CUBN: variants seen among roughly 807,000 people sequenced by gnomAD.
CUBN encodes the protein cubilin.
Under a neutral mutation model 405.3 loss-of-function variants are expected in CUBN, and 282 were observed. The ratio of observed to expected loss-of-function variants is 0.70; its 90% CI spans 0.63 to 0.77. CUBN has a LOEUF of 0.77. Among genes scored for constraint, CUBN ranks in the 30% least tolerant of loss-of-function variants. The pLI is 0.00. For synonymous variants in CUBN, 1,684 were observed against 1,617.0 expected, an observed-to-expected ratio of 1.04 and a Z score of -0.99; for missense variants, 4,514 against 4,475.2, an observed-to-expected ratio of 1.01 and a Z score of -0.25.
intron 50 of CUBN, among the ~76,000 whole-genome samples, chr10:16,905,735 C>T (rs1227623223): frequency 6.6e-6 from 1 of 152,162 alleles, no homozygotes; most frequent in Non-Finnish European, 1.5e-5. Context: ...AGAATTATGG[C>T]TTCGAACAGA....
chr10:16,923,281 G>A (rs2131474488), intron 43 of CUBN, among the ~76,000 whole-genome samples: 1 of 152,192 alleles, frequency 6.6e-6, no homozygotes, highest in East Asian at 1.9e-4. Context: ...AATCAGGTGA[G>A]AATAAAAGGC....
At position 16,902,238 on chromosome 10, in the gene CUBN, C is replaced by G. The variant is rs190773540; in HGVS notation, c.8063-779G>C. Among the ~76,000 whole-genome samples the G allele has an allele frequency of 4.4e-3, 545 of 123,744 alleles. 6 individuals carry two copies. Among genetic ancestry groups the G allele is most frequent in the Non-Finnish European group, 7.7e-3 (468 of 60,994 alleles). 81.2% of individuals were successfully genotyped at this position (123,744 alleles called of 152,430 possible). A position where few individuals can be genotyped will look rare whatever the true frequency, so the allele number is the denominator to read the frequency against. On this transcript the variant is annotated intron_variant, in intron 51 of 66. Coordinates refer to ENST00000377833, the MANE Select transcript of CUBN (RefSeq NM_001081.4). ...TATAGTATATATATGTATATATATA[C>G]TATATATATTTGTATATATAGTATA... is the stretch of plus-strand genomic sequence containing the variant.
At position 16,874,955 on chromosome 10, in the gene CUBN, T is replaced by G. The variant is rs149282050; in HGVS notation, c.9107-452A>C. The stretch of plus-strand genomic sequence containing the variant: ...CTGAAATAATAGAGATCCCTGTCTC[T>G]CCTGTCAGGGATAGAATATTATATG... On this transcript the variant is annotated intron_variant, in intron 57 of 66. Coordinates refer to ENST00000377833, the MANE Select transcript of CUBN (RefSeq NM_001081.4). Among the ~76,000 whole-genome samples the G allele has an allele frequency of 3.3e-3, 498 of 152,206 alleles. 2 individuals are homozygous for G. The highest frequency in any genetic ancestry group is 0.011 in the African/African-American group (470 of 41,530).
intron 27 of CUBN, among the ~76,000 whole-genome samples, chr10:17,036,393 C>A (rs759631486): frequency 1.3e-5 from 2 of 152,094 alleles, no homozygotes; most frequent in Non-Finnish European, 2.9e-5. Flanking sequence ...AGGAGCAGAG[C>A]CTTAGGAAGT....
Position 16,979,974 on chromosome 10 carries a change from A to G in CUBN, c.4695+2510T>C, listed in dbSNP as rs573421652. 3.3e-5 allele frequency among the ~76,000 whole-genome samples: 5 copies of G among 152,352 alleles called. No homozygotes were observed. The South Asian group carries it at 1.0e-3, about 32-fold the overall frequency. The stretch of plus-strand genomic sequence containing the variant: ...AAAGGGCTAATATCCAGAATCTACA[A>G]GAAACTTAAACAAATTTACAAGAAA... On this transcript the variant is annotated intron_variant, in intron 31 of 66. Coordinates refer to ENST00000377833, the MANE Select transcript of CUBN (RefSeq NM_001081.4).
At chr10:17,020,496 A>T (rs776888999) in intron 27 of CUBN, among the ~76,000 whole-genome samples, 7 of 152,230 alleles carry the variant, frequency 4.6e-5, no homozygotes, top group Non-Finnish European at 8.8e-5. Context: ...GGTAATTTTT[A>T]AAATAAATGC....
In CUBN at chr10:17,029,946, T is replaced by C. The variant is rs555838280; in HGVS notation, c.4018-9963A>G. On this transcript the variant is annotated intron_variant, in intron 27 of 66. Transcript: ENST00000377833. The stretch of plus-strand genomic sequence containing the variant: ...GGAAGGCTGCTCTGGAAACCACAGA[T>C]TTATTTACCACAAAATGCTATAGAG... Among the ~76,000 whole-genome samples the C allele has an allele frequency of 2.6e-5, 4 of 152,312 alleles. No homozygotes were observed. The South Asian group carries it at 8.3e-4, about 32-fold the overall frequency.
chr10:16,859,269 A>C (rs2131350488), intron 59 of CUBN, among the ~76,000 whole-genome samples: 1 of 152,316 alleles, frequency 6.6e-6, no homozygotes, highest in African/African-American at 2.4e-5. Context: ...AGCTCTCAAA[A>C]CCCAACAATA....
intron 64 of CUBN, among the ~76,000 whole-genome samples, chr10:16,832,180 C>A (rs1347479688): frequency 6.6e-6 from 1 of 152,158 alleles, no homozygotes. Flanking sequence ...CACAACCAGC[C>A]CTGCTTCCAG....
intron 38 of CUBN, among the ~76,000 whole-genome samples, 191 bp from the exon 39 acceptor site, chr10:16,937,975 GT>G (rs1228547418): frequency 6.6e-6 from 1 of 152,108 alleles, no homozygotes; most frequent in Admixed American, 6.6e-5. Context: ...GTAATTTAAT[GT>G]TTTGAAAACA....
intron 31 of CUBN, among the ~76,000 whole-genome samples, chr10:16,958,144 A>G (rs1247860607): frequency 6.6e-6 from 1 of 152,160 alleles, no homozygotes; most frequent in East Asian, 1.9e-4. Context: ...AATCACCCGA[A>G]TCACCCATTT....
chr10:16,898,253 C>T (rs1325360657), intron 54 of CUBN, among the ~76,000 whole-genome samples: 1 of 151,948 alleles, frequency 6.6e-6, no homozygotes, highest in African/African-American at 2.4e-5. Flanking sequence ...GTTATTACAT[C>T]GTATTATCTC....
At chr10:16,836,852 C>T (rs546016284) in intron 62 of CUBN, among the ~76,000 whole-genome samples, 12 of 152,240 alleles carry the variant, frequency 7.9e-5, no homozygotes, top group Admixed American at 3.9e-4. Context: ...CCAAGCCAGC[C>T]GGGGCCTGTC....
At chr10:17,001,046 C>T (rs1833864533) in intron 28 of CUBN, among the ~76,000 whole-genome samples, 2 of 152,132 alleles carry the variant, frequency 1.3e-5, no homozygotes, top group Admixed American at 6.5e-5. Flanking sequence ...CGTTCGTGAT[C>T]TTGCTGACTT....
intron 28 of CUBN, among the ~76,000 whole-genome samples, chr10:17,015,710 G>C (rs1266586387): frequency 6.6e-6 from 1 of 152,168 alleles, no homozygotes; most frequent in Admixed American, 6.5e-5. Flanking sequence ...TTCTTGCCCA[G>C]AGAACCACTG....
chr10:16,940,135 G>T lies in CUBN; in HGVS notation c.5445C>A (p.Ser1815=), dbSNP rs2131606816. Residue 1815 remains serine (S), a synonymous_variant, in exon 37 of 67, where the codon TCC becomes TCA. Coordinates refer to ENST00000377833, the MANE Select transcript of CUBN (RefSeq NM_001081.4). ...CGATGGAAGAATAATTGAGAGGGAAGGAGTTTCCACAGTATCGTCCCACCA... is the reference window on the plus strand; with the variant it reads ...CGATGGAAGAATAATTGAGAGGGAATGAGTTTCCACAGTATCGTCCCACCA... The part of the protein sequence containing the change: ...GHLVGRYCGN[S]FPLNYSSIVG... The T allele has an allele frequency of 1.2e-6, 2 of 1,614,108 alleles. No homozygotes were observed. The highest frequency in any genetic ancestry group is 2.2e-5 in the East Asian group (1 of 44,884).
At position 16,901,442 on chromosome 10, in the gene CUBN, T is replaced by G. The variant is rs773503032; in HGVS notation, c.8080A>C (p.Ile2694Leu). Residue 2694 changes from isoleucine (I) to leucine (L), a missense_variant, in exon 52 of 67, where the codon ATA becomes CTA. By Grantham distance (5) the Ile-to-Leu change is conservative (BLOSUM62 2). Transcript: ENST00000377833. ...CTTGTGATCACTCCACTGTCACCTATCTGTATTCCGCCACAATCTGAAATG... is the reference window on the plus strand; with the variant it reads ...CTTGTGATCACTCCACTGTCACCTAGCTGTATTCCGCCACAATCTGAAATG... ...YSFTDCGGIQ[I>L]GDSGVITSPN... is the part of the protein sequence containing the mutation. 96 of 1,614,014 alleles carry G rather than the reference T, an allele frequency of 5.9e-5. No homozygotes were observed. Among genetic ancestry groups the G allele is most frequent in the Non-Finnish European group, 7.8e-5 (92 of 1,180,018 alleles).
At chr10:17,127,431 A>ATTTTT (rs71268608) in intron 3 of CUBN, among the ~76,000 whole-genome samples, 26 of 85,894 alleles carry the variant, frequency 3.0e-4, no homozygotes, top group South Asian at 4.5e-4. Context: ...ATGCCCAGCT[A>ATTTTT]TTTTTTTTTT....
At position 16,839,553 on chromosome 10, in the gene CUBN, A is replaced by G. The variant is rs112495641; in HGVS notation, c.10032+777T>C. Reference sequence around the variant, plus strand: ...ACCAGTTAGAATGGTGATTGTTAAAAAGTCAGGAAACAACAGGTGCTGGAG... The same window carrying G: ...ACCAGTTAGAATGGTGATTGTTAAAGAGTCAGGAAACAACAGGTGCTGGAG... On this transcript the variant is annotated intron_variant, in intron 62 of 66. Coordinates refer to ENST00000377833, the MANE Select transcript of CUBN (RefSeq NM_001081.4). 8.6e-3 allele frequency among the ~76,000 whole-genome samples: 880 copies of G among 102,666 alleles called. 43 individuals are homozygous for G. The highest frequency in any genetic ancestry group is 0.021 in the African/African-American group (842 of 40,130). The allele number at this position is 102,666 out of a possible 152,430, so 67.4% of individuals were successfully genotyped here.
Sources: gnomAD v4.1 joint callset for allele counts (sites outside exome capture counted in the v4.1 genomes callset) on GRCh38, gnomAD v4.1.1 for gene constraint, MANE v1.5 for transcripts, NCBI Gene and HGNC (gene_info 2026-07-23, HGNC 2026-07-21) for gene names.